The following BICRAL variants were observed in gnomAD, a reference collection of about 807,000 sequenced individuals.
The protein encoded by BICRAL is BRD4-interacting chromatin-remodeling complex-associated protein-like.
BICRAL carries 8 observed loss-of-function variants against 91.8 expected under a neutral mutation model. The observed-to-expected ratio is 0.09, with a 90% CI of 0.05 to 0.16. BICRAL has a LOEUF of 0.16. Ranked by LOEUF, BICRAL falls within the 10% of genes least tolerant of loss-of-function variation. The pLI is 1.00. For missense variants in BICRAL, 1,038 were observed against 1,310.9 expected (o/e 0.79, Z 3.21); for synonymous variants, 445 against 491.1 (o/e 0.91, Z 1.24).
At chr6:42,749,274 T>A (rs781202510) in intron 1 of BICRAL, among the ~76,000 whole-genome samples, 7 of 152,114 alleles carry the variant, frequency 4.6e-5, no homozygotes, top group Non-Finnish European at 1.0e-4. Flanking sequence ...TGATGTTAAG[T>A]AAATAAGCCA....
chr6:42,862,015 A>G lies in BICRAL; in HGVS notation c.2350-495A>G, dbSNP rs558635434. Among the ~76,000 whole-genome samples, 6 of 151,230 alleles carry G rather than the reference A, an allele frequency of 4.0e-5. No individual in the cohort carries two copies. The South Asian group carries it at 1.3e-3, about 32-fold the overall frequency. The stretch of plus-strand genomic sequence containing the variant: ...CTCTGTCTAAAAATAAATAAATACA[A>G]TAAAAAATAATGCCACCAAAGTCTG... On this transcript the variant is annotated intron_variant, in intron 11 of 12. Transcript: ENST00000314073.
In BICRAL at chr6:42,753,274, G is replaced by T. The variant is rs575259937; in HGVS notation, c.-261+6251G>T. 2.0e-5 allele frequency among the ~76,000 whole-genome samples: 3 copies of T among 152,150 alleles called. No individual in the cohort carries two copies. In the South Asian group the frequency reaches 6.2e-4, roughly 32 times the overall value. On this transcript the variant is annotated intron_variant, in intron 1 of 14. Transcript: ENST00000614467. ...AGACAGGGTCTTGCTGTGTTGCCCA[G>T]TCTGGTCTTGAACTCTTGGCTTCAA...
At chr6:42,847,855 C>T (rs1338609249) in intron 6 of BICRAL, among the ~76,000 whole-genome samples, 1 of 151,896 alleles carries the variant, frequency 6.6e-6, no homozygotes, top group Non-Finnish European at 1.5e-5. Flanking sequence ...CTTTTCTGGG[C>T]GCGGTGGCTC....
chr6:42,771,706 T>G (rs1296962496), intron 1 of BICRAL, among the ~76,000 whole-genome samples: 2 of 152,290 alleles, frequency 1.3e-5, no homozygotes, highest in East Asian at 3.9e-4. Context: ...TAAATTGTAC[T>G]GAGATACAAT....
intron 1 of BICRAL, among the ~76,000 whole-genome samples, chr6:42,756,273 A>G (rs1387981771): frequency 6.6e-6 from 1 of 152,114 alleles, no homozygotes; most frequent in African/African-American, 2.4e-5. Context: ...CGCTCTTTGT[A>G]GCCCTAAGTA....
intron 1 of BICRAL, among the ~76,000 whole-genome samples, chr6:42,804,729 T>C (rs898426659): frequency 1.3e-5 from 2 of 152,162 alleles, no homozygotes; most frequent in African/African-American, 4.8e-5. Context: ...GTGCCTATTG[T>C]AATGAGCCAG....
At position 42,820,378 on chromosome 6, in the gene BICRAL, T is replaced by C. The variant is rs150628383; in HGVS notation, c.-5-1640T>C. ...AAAAAGTAATATCTCCTTTATAGGC[T>C]TAATGTATGTCATAATTGGCTAATT... On this transcript the variant is annotated intron_variant, in intron 2 of 12. Coordinates refer to ENST00000314073, the MANE Select transcript of BICRAL (RefSeq NM_001393499.1). 6.3e-3 allele frequency among the ~76,000 whole-genome samples: 965 copies of C among 152,344 alleles called. 4 individuals carry two copies. The highest frequency in any genetic ancestry group is 0.034 in the Middle Eastern group (10 of 294).
chr6:42,827,394 C>A (rs1764336317), intron 5 of BICRAL, among the ~76,000 whole-genome samples: 1 of 152,196 alleles, frequency 6.6e-6, no homozygotes, highest in South Asian at 2.1e-4. Flanking sequence ...TCATTTTGAA[C>A]AAATAATCAC....
intron 6 of BICRAL, among the ~76,000 whole-genome samples, chr6:42,833,205 G>A (rs1360187436): frequency 2.0e-5 from 3 of 151,480 alleles, no homozygotes; most frequent in Non-Finnish European, 2.9e-5. Context: ...ACAGGCACCC[G>A]CCACCATGCC....
At position 42,834,389 on chromosome 6, in the gene BICRAL, G is replaced by A. The variant is rs141903529; in HGVS notation, c.1839+4217G>A. Reference sequence around the variant, plus strand: ...CCAGAAGATAATTTGAAACTCTGTAGGCATCCAGTTTCTCATCAAACTTGC... The same window carrying A: ...CCAGAAGATAATTTGAAACTCTGTAAGCATCCAGTTTCTCATCAAACTTGC... On this transcript the variant is annotated intron_variant, in intron 6 of 12. Transcript: ENST00000314073. Among the ~76,000 whole-genome samples, 738 of 152,250 alleles carry A rather than the reference G, an allele frequency of 4.8e-3. 4 individuals are homozygous for A. Among genetic ancestry groups the A allele is most frequent in the African/African-American group, 0.017 (698 of 41,534 alleles).
chr6:42,773,791 C>T (rs1175431129), intron 1 of BICRAL, among the ~76,000 whole-genome samples: 1 of 152,244 alleles, frequency 6.6e-6, no homozygotes, highest in Non-Finnish European at 1.5e-5. Context: ...GCTGGGATTA[C>T]AGGCGTGAGC....
intron 6 of BICRAL, among the ~76,000 whole-genome samples, chr6:42,840,538 G>T (rs1447630799): frequency 2.7e-5 from 4 of 147,488 alleles, no homozygotes; most frequent in Non-Finnish European, 4.5e-5. Flanking sequence ...ACCGCACCCT[G>T]CCTGTTTTTG....
intron 1 of BICRAL, among the ~76,000 whole-genome samples, chr6:42,796,214 A>G (rs1763409738): frequency 6.6e-6 from 1 of 152,222 alleles, no homozygotes; most frequent in South Asian, 2.1e-4. Context: ...GGGTAAACAT[A>G]TAGAAAGATA....
chr6:42,785,442 T>C (rs1445715209), intron 1 of BICRAL, among the ~76,000 whole-genome samples: 2 of 151,452 alleles, frequency 1.3e-5, no homozygotes, highest in East Asian at 3.9e-4. Flanking sequence ...GTGCCTGTAA[T>C]CCCAGCTACT....
rs1581647440 is a variant in BICRAL at position 42,868,327 on chromosome 6, A to G, written c.*2881A>G. ...TATTTGCTTAAATACCTTCATTTGT[A>G]TAGTACGTCTCACTTGAAATTGCTT... On this transcript the variant is annotated 3_prime_UTR_variant, in exon 13 of 13. Transcript: ENST00000314073. The G allele has an allele frequency of 6.6e-6, 1 of 152,344 alleles. No homozygotes were observed. The highest frequency in any genetic ancestry group is 2.4e-5 in the African/African-American group (1 of 41,378). The allele number at this position is 152,344 out of a possible 1,614,324, so 9.4% of individuals were successfully genotyped here. A position where few individuals can be genotyped will look rare whatever the true frequency, so the allele number is the denominator to read the frequency against.
chr6:42,832,379 G>GTATGTATGTATATATATATACATATA (rs1764509838), intron 6 of BICRAL, among the ~76,000 whole-genome samples: 1 of 145,132 alleles, frequency 6.9e-6, no homozygotes, highest in Non-Finnish European at 1.5e-5. Context: ...ATATATATAT[G>GTATGTATGTATATATATATACATATA]TATGTATGTA....
intron 1 of BICRAL, among the ~76,000 whole-genome samples, chr6:42,805,502 C>G (rs568444727): frequency 6.6e-6 from 1 of 152,322 alleles, no homozygotes; most frequent in South Asian, 2.1e-4. Flanking sequence ...AACACACTCT[C>G]CCTGTGTGCC....
intron 1 of BICRAL, among the ~76,000 whole-genome samples, chr6:42,763,532 T>C (rs1363887808): frequency 6.6e-6 from 1 of 152,162 alleles, no homozygotes; most frequent in Non-Finnish European, 1.5e-5. Flanking sequence ...TACAAACCAG[T>C]GTTTTCAGCT....
intron 8 of BICRAL, among the ~76,000 whole-genome samples, chr6:42,855,385 A>G (rs1554282896): frequency 6.6e-6 from 1 of 152,170 alleles, no homozygotes; most frequent in Non-Finnish European, 1.5e-5. Context: ...TACAAAAAAT[A>G]CCAAAAAATT....
Sources: gnomAD v4.1 joint callset for allele counts (sites outside exome capture counted in the v4.1 genomes callset) on GRCh38, gnomAD v4.1.1 for gene constraint, MANE v1.5 for transcripts, NCBI Gene and HGNC (gene_info 2026-07-23, HGNC 2026-07-21) for gene names.